ADGRE3: variants seen among roughly 807,000 people sequenced by gnomAD.
The protein encoded by ADGRE3 is EGF-like module receptor 3.
In ADGRE3, 88 loss-of-function variants were observed where a neutral mutation model predicts 80.1. The ratio of observed to expected loss-of-function variants is 1.10; its 90% CI spans 0.93 to 1.31. The LOEUF (loss-of-function observed/expected upper bound fraction) is 1.31. ADGRE3 is among the 40% of genes most tolerant of loss of function. ADGRE3 has a pLI of 0.00. For synonymous variants in ADGRE3, 281 were observed against 294.8 expected (o/e 0.95, Z 0.48); for missense variants, 715 against 776.5 (o/e 0.92, Z 0.94).
intron 9 of ADGRE3, among the ~76,000 whole-genome samples, chr19:14,642,081 A>G (rs1039556020): frequency 3.9e-5 from 6 of 152,188 alleles, no homozygotes; most frequent in Admixed American, 3.9e-4. Flanking sequence ...GAGTTTCAGT[A>G]TTGCAAGATG....
chr19:14,665,672 T>G (rs1012988004), intron 2 of ADGRE3, among the ~76,000 whole-genome samples: 1 of 151,440 alleles, frequency 6.6e-6, no homozygotes, highest in African/African-American at 2.4e-5. Flanking sequence ...AAAATTTTTT[T>G]GTAGAGATGG....
At chr19:14,637,498 A>G (rs1298492392) in intron 11 of ADGRE3, among the ~76,000 whole-genome samples, 1 of 151,186 alleles carries the variant, frequency 6.6e-6, no homozygotes, top group Non-Finnish European at 1.5e-5. Flanking sequence ...GGCTCAAGCA[A>G]TCCTTCCATC....
At chr19:14,620,548 T>TGTG in intron 15 of ADGRE3, among the ~76,000 whole-genome samples, 1 of 24,982 alleles carries the variant, frequency 4.0e-5, no homozygotes, top group Non-Finnish European at 6.2e-5. Context: ...TATATATATA[T>TGTG]TATATATATA....
chr19:14,615,614 T>G (rs1568468884), downstream of ADGRE3, among the ~76,000 whole-genome samples: 1 of 151,224 alleles, frequency 6.6e-6, no homozygotes, highest in Non-Finnish European at 1.5e-5. Flanking sequence ...ATACAAAAAT[T>G]AGCCGGGCGT....
intron 11 of ADGRE3, among the ~76,000 whole-genome samples, chr19:14,635,018 G>A (rs1479780944): frequency 6.6e-6 from 1 of 152,134 alleles, no homozygotes; most frequent in East Asian, 1.9e-4. Flanking sequence ...AGTTTATAGA[G>A]GCTGTGCACA....
At position 14,644,229 on chromosome 19, in the gene ADGRE3, G is replaced by A. The variant is rs772798430; in HGVS notation, c.929C>T (p.Thr310Ile). 5.6e-6 allele frequency: 9 copies of A among 1,599,346 alleles called. No individual in the cohort carries two copies. The East Asian group carries it at 1.4e-4, about 24-fold the overall frequency. ...KKVFCVYWKS[T>I]GQGSQWSRDG... ...CCTGGACCACTGGCTGCCCTGCCCT[G>A]TGCTCTTCCAGTAGACACAGAAGAC... Residue 310 changes from threonine (T) to isoleucine (I), a missense_variant, in exon 9 of 16, where the codon ACA becomes ATA. Physicochemically the swap from Thr to Ile is moderately conservative, Grantham distance 89. Transcript: ENST00000253673.
At chr19:14,673,945 A>C (rs1303670535) in intron 1 of ADGRE3, among the ~76,000 whole-genome samples, 1 of 152,162 alleles carries the variant, frequency 6.6e-6, no homozygotes, top group Non-Finnish European at 1.5e-5. Flanking sequence ...ATGTGTCCAC[A>C]TTATTTAGCT....
At chr19:14,628,314 C>T (rs918525396) in intron 14 of ADGRE3, among the ~76,000 whole-genome samples, 2 of 149,864 alleles carry the variant, frequency 1.3e-5, no homozygotes, top group South Asian at 2.1e-4. Context: ...TGGTGGCATG[C>T]GCCTGTAGTC....
chr19:14,669,002 G>C, intron 1 of ADGRE3, 150 bp from the exon 2 acceptor site: 1 of 703,504 alleles, frequency 1.4e-6, no homozygotes, highest in Non-Finnish European at 2.4e-6. Context: ...GTTGAGTATG[G>C]AGATCTCTCA....
At chr19:14,600,821 C>T in the ADGRE3 span, among the ~76,000 whole-genome samples, 2 of 150,408 alleles carry the variant, frequency 1.3e-5, no homozygotes, top group East Asian at 2.0e-4. Flanking sequence ...GATCTCCTGA[C>T]CTCGTGATCT....
At chr19:14,608,006 G>A in the ADGRE3 span, among the ~76,000 whole-genome samples, 2 of 151,960 alleles carry the variant, frequency 1.3e-5, no homozygotes, top group Non-Finnish European at 2.9e-5. Context: ...GAGTACCTGG[G>A]ACCACAGTCA....
At chr19:14,663,842 A>G (rs896537001) in intron 2 of ADGRE3, among the ~76,000 whole-genome samples, 26 of 151,982 alleles carry the variant, frequency 1.7e-4, no homozygotes, top group African/African-American at 6.3e-4. Context: ...CCATTTCAAA[A>G]CAAATATATA....
downstream of ADGRE3, among the ~76,000 whole-genome samples, chr19:14,615,958 C>T (rs2075072809): frequency 6.7e-6 from 1 of 148,884 alleles, no homozygotes; most frequent in Non-Finnish European, 1.5e-5. Context: ...TGTTCTTTCT[C>T]TGCCTTACTT....
chr19:14,603,010 C>T, the ADGRE3 span, among the ~76,000 whole-genome samples: 2 of 152,220 alleles, frequency 1.3e-5, no homozygotes, highest in African/African-American at 4.8e-5. Flanking sequence ...ACTGGGATTA[C>T]AGGCATAAGC....
At position 14,654,685 on chromosome 19, in the gene ADGRE3, C is replaced by T. The variant is rs373029924; in HGVS notation, c.577+297G>A. On this transcript the variant is annotated intron_variant, in intron 6 of 15. Coordinates refer to ENST00000253673, the MANE Select transcript of ADGRE3 (RefSeq NM_032571.5). Reference sequence around the variant, plus strand: ...AACCAACTGCACATATTAAAGTGTACAATCTGGTGAGTTTTGTTGGGTGCA... The same window carrying T: ...AACCAACTGCACATATTAAAGTGTATAATCTGGTGAGTTTTGTTGGGTGCA... Among the ~76,000 whole-genome samples the T allele has an allele frequency of 1.1e-3, 168 of 152,174 alleles. 4 individuals are homozygous for T. In the South Asian group the frequency reaches 0.033, roughly 30 times the overall value.
intron 7 of ADGRE3, 90 bp downstream of exon 7, chr19:14,650,995 G>A (rs968615171): frequency 7.3e-7 from 1 of 1,367,084 alleles, no homozygotes; most frequent in African/African-American, 1.4e-5. Flanking sequence ...AAAAGCCCAT[G>A]AGGGGAGAGC....
At chr19:14,640,096 T>C (rs888363634) in intron 10 of ADGRE3, among the ~76,000 whole-genome samples, 2 of 152,202 alleles carry the variant, frequency 1.3e-5, no homozygotes, top group Non-Finnish European at 2.9e-5. Context: ...TGTCTTTCTG[T>C]GCCTTGCTTA....
the ADGRE3 span, among the ~76,000 whole-genome samples, chr19:14,607,879 T>C: frequency 1.3e-5 from 2 of 151,328 alleles, no homozygotes; most frequent in Admixed American, 6.6e-5. Context: ...CCCAACCTTA[T>C]TTTAGTTTTT....
intron 2 of ADGRE3, among the ~76,000 whole-genome samples, chr19:14,667,812 A>G (rs1177000128): frequency 3.9e-5 from 6 of 152,222 alleles, no homozygotes; most frequent in Admixed American, 3.9e-4. Flanking sequence ...CATGTACCCT[A>G]GAACTTAAAG....
Sources: allele counts gnomAD v4.1 joint callset (sites outside exome capture counted in the v4.1 genomes callset), GRCh38; gene constraint gnomAD v4.1.1; transcripts MANE v1.5; gene names NCBI Gene and HGNC (gene_info 2026-07-23, HGNC 2026-07-21).